The following NKAIN3 variants were observed in gnomAD, a reference collection of about 807,000 sequenced individuals.
NKAIN3 encodes the protein sodium/potassium transporting ATPase interacting 3.
NKAIN3 carries 25 observed loss-of-function variants against 30.2 expected under a neutral mutation model. The observed-to-expected ratio is 0.83, with a 90% CI of 0.60 to 1.16. The LOEUF (loss-of-function observed/expected upper bound fraction) is 1.16. Ranked by LOEUF, NKAIN3 falls within the 50% of genes most tolerant of loss-of-function variation. The pLI, the probability that NKAIN3 is intolerant of heterozygous loss-of-function variation, is 0.00. For missense variants in NKAIN3, 225 were observed against 254.1 expected (o/e 0.89, Z 0.78); for synonymous variants, 91 against 89.6 (o/e 1.02, Z -0.09).
In NKAIN3 at chr8:62,366,929, C is replaced by A. The variant is rs533534727; in HGVS notation, c.54+117802C>A. ...TGACTCAAGATATTTTTTGATTTTT[C>A]TTTCAATTTATTTTTTGACTCTTGG... On this transcript the variant is annotated intron_variant, in intron 1 of 6. Transcript: ENST00000623646. Among the ~76,000 whole-genome samples, 246 of 151,896 alleles carry A rather than the reference C, an allele frequency of 1.6e-3. 1 individual carries two copies. The highest frequency in any genetic ancestry group is 5.7e-3 in the African/African-American group (235 of 41,464).
chr8:62,528,340 A>T (rs1270929923), intron 1 of NKAIN3, among the ~76,000 whole-genome samples: 3 of 27,674 alleles, frequency 1.1e-4, no homozygotes, highest in East Asian at 4.6e-4. Flanking sequence ...TATATTATAT[A>T]ATATATATAT....
At chr8:62,580,400 G>A (rs1311624826) in intron 2 of NKAIN3, among the ~76,000 whole-genome samples, 1 of 152,116 alleles carries the variant, frequency 6.6e-6, no homozygotes, top group African/African-American at 2.4e-5. Context: ...AGAAGGTTGT[G>A]AGAAATAATA....
At chr8:62,863,499 G>C in intron 4 of NKAIN3, 1 of 1,525,748 alleles carries the variant, frequency 6.6e-7, no homozygotes, top group Non-Finnish European at 9.0e-7. Flanking sequence ...AACGTACTGG[G>C]TGGGAGGCCT....
At chr8:62,578,559 T>C (rs1456036653) in intron 1 of NKAIN3, among the ~76,000 whole-genome samples, 1 of 152,110 alleles carries the variant, frequency 6.6e-6, no homozygotes, top group Admixed American at 6.6e-5. Context: ...TTAGTCATTA[T>C]CACCACTGGC....
At chr8:62,466,757 C>T (rs540199726) in intron 1 of NKAIN3, among the ~76,000 whole-genome samples, 1 of 152,268 alleles carries the variant, frequency 6.6e-6, no homozygotes, top group South Asian at 2.1e-4. Context: ...AGCCTCATAT[C>T]ATGGAGTATA....
chr8:62,415,750 A>G (rs1804423430), intron 1 of NKAIN3, among the ~76,000 whole-genome samples: 1 of 109,188 alleles, frequency 9.2e-6, no homozygotes, highest in African/African-American at 3.2e-5. Context: ...TTTATTAAGA[A>G]TTATTATTAT....
chr8:62,719,084 A>G lies in NKAIN3; in HGVS notation c.274-27848A>G, dbSNP rs11986123. 4.3e-3 allele frequency among the ~76,000 whole-genome samples: 651 copies of G among 152,322 alleles called. 6 individuals are homozygous for G. Among genetic ancestry groups the G allele is most frequent in the African/African-American group, 0.015 (619 of 41,582 alleles). On this transcript the variant is annotated intron_variant, in intron 3 of 6. Coordinates refer to ENST00000623646, the MANE Select transcript of NKAIN3 (RefSeq NM_001304533.3). ...AATAAGGAGACATATTGTTGTGCCA[A>G]TGGTGGTTTCTCCATTGATTAGGGT...
At chr8:62,514,621 C>T (rs1048577825) in intron 1 of NKAIN3, among the ~76,000 whole-genome samples, 4 of 152,152 alleles carry the variant, frequency 2.6e-5, no homozygotes, top group Admixed American at 1.3e-4. Flanking sequence ...AGAGTCCACA[C>T]TTCTTTGAGA....
intron 4 of NKAIN3, among the ~76,000 whole-genome samples, chr8:62,853,656 C>A (rs1003053928): frequency 1.3e-5 from 2 of 152,112 alleles, no homozygotes; most frequent in Admixed American, 6.6e-5. Context: ...CCAGGAAAAG[C>A]AGCTCCTGGA....
At chr8:62,632,525 T>C (rs1170996390) in intron 3 of NKAIN3, among the ~76,000 whole-genome samples, 1 of 152,108 alleles carries the variant, frequency 6.6e-6, no homozygotes, top group East Asian at 1.9e-4. Flanking sequence ...TTCTTTGAGA[T>C]AGAATCTTGC....
intron 3 of NKAIN3, among the ~76,000 whole-genome samples, chr8:62,681,330 C>T (rs933570764): frequency 9.2e-5 from 14 of 152,138 alleles, no homozygotes; most frequent in Admixed American, 9.2e-4. Context: ...TTTCACATTC[C>T]CTTTCCCTTC....
Position 62,597,042 on chromosome 8 carries a change from T to A in NKAIN3, c.273+7248T>A, listed in dbSNP as rs528689560. 2.6e-5 allele frequency among the ~76,000 whole-genome samples: 4 copies of A among 152,210 alleles called. No homozygotes were observed. In the South Asian group the frequency reaches 6.2e-4, roughly 24 times the overall value. On this transcript the variant is annotated intron_variant, in intron 3 of 6. Coordinates refer to ENST00000623646, the MANE Select transcript of NKAIN3 (RefSeq NM_001304533.3). The stretch of plus-strand genomic sequence containing the variant: ...GATCTCTTCCCTGTATTATTTTAAC[T>A]GCTTCTGATACTAAGACTGCTACTG...
chr8:62,298,858 G>A (rs1813935969), intron 1 of NKAIN3, among the ~76,000 whole-genome samples: 2 of 148,806 alleles, frequency 1.3e-5, no homozygotes, highest in Admixed American at 1.3e-4. Context: ...TATTAAGTAT[G>A]AATCAATAAT....
At chr8:62,686,767 A>G (rs1813811807) in intron 3 of NKAIN3, among the ~76,000 whole-genome samples, 1 of 152,188 alleles carries the variant, frequency 6.6e-6, no homozygotes, top group South Asian at 2.1e-4. Flanking sequence ...TACTTTAATA[A>G]ACACATACCC....
chr8:62,672,861 A>T (rs2130391807), intron 3 of NKAIN3, among the ~76,000 whole-genome samples: 1 of 152,194 alleles, frequency 6.6e-6, no homozygotes, highest in South Asian at 2.1e-4. Context: ...AAAAAAATTG[A>T]TTTTTTCTCC....
intron 5 of NKAIN3, 102 bp from the exon 6 acceptor site, chr8:62,953,800 C>T (rs565428138): frequency 7.4e-5 from 15 of 202,034 alleles, no homozygotes; most frequent in South Asian, 3.5e-4. Context: ...TTATGGTGAA[C>T]GGATATTTTT....
In NKAIN3 at chr8:62,958,741, G is replaced by A. The variant is rs997942056; in HGVS notation, c.603+4769G>A. The stretch of plus-strand genomic sequence containing the variant: ...CTAAATTGAAGTTTGTCAAAATCAT[G>A]ACTGGTGTATTTCCATCCAAATGGT... On this transcript the variant is annotated intron_variant, in intron 6 of 6. Coordinates refer to ENST00000623646, the MANE Select transcript of NKAIN3 (RefSeq NM_001304533.3). Among the ~76,000 whole-genome samples the A allele has an allele frequency of 3.3e-5, 5 of 152,204 alleles. No homozygotes were observed. In the South Asian group the frequency reaches 6.2e-4, roughly 19 times the overall value.
At chr8:62,780,329 C>G (rs1219858887) in intron 4 of NKAIN3, among the ~76,000 whole-genome samples, 2 of 152,008 alleles carry the variant, frequency 1.3e-5, no homozygotes, top group Non-Finnish European at 2.9e-5. Context: ...AGTCCAGGAA[C>G]AGACAGATTT....
chr8:62,412,410 C>T (rs188067808), intron 1 of NKAIN3, among the ~76,000 whole-genome samples: 60 of 152,112 alleles, frequency 3.9e-4, no homozygotes, highest in African/African-American at 1.4e-3. Context: ...TGGACCCCTA[C>T]CTTTCACTAT....
Sources: gnomAD v4.1 joint callset for allele counts (sites outside exome capture counted in the v4.1 genomes callset) on GRCh38, gnomAD v4.1.1 for gene constraint, MANE v1.5 for transcripts, NCBI Gene and HGNC (gene_info 2026-07-23, HGNC 2026-07-21) for gene names.